Variants in NR2F2 observed in about 807,000 individuals in gnomAD.
NR2F2 encodes COUP transcription factor 2.
In NR2F2, 2 loss-of-function variants were observed where a neutral mutation model predicts 34.8. That is an observed-to-expected ratio of 0.06 (90% confidence interval 0.02 to 0.18). The LOEUF (loss-of-function observed/expected upper bound fraction) is 0.18, where lower values mean the gene tolerates loss of function less well. Among genes scored for constraint, NR2F2 ranks in the 10% least tolerant of loss-of-function variants. The pLI is 1.00. For synonymous variants in NR2F2, 274 were observed against 251.8 expected (o/e 1.09, Z -0.84); for missense variants, 300 against 580.1 (o/e 0.52, Z 4.96).
At chr15:96,332,568 C>T in intron 1 of NR2F2, 21 bp downstream of exon 1, 4 of 1,601,242 alleles carry the variant, frequency 2.5e-6, no homozygotes, top group Non-Finnish European at 3.4e-6. Context: ...CTCATTTCTC[C>T]TTCCCTCGTC....
chr15:96,334,024 T>C, intron 1 of NR2F2, 52 bp from the exon 2 acceptor site: 1 of 1,572,980 alleles, frequency 6.4e-7, no homozygotes, highest in Non-Finnish European at 8.6e-7. Flanking sequence ...CCGGGGAACC[T>C]GGGGACTGAG....
chr15:96,335,845 A>G (rs554036620), intron 2 of NR2F2, among the ~76,000 whole-genome samples: 2 of 152,308 alleles, frequency 1.3e-5, no homozygotes, highest in Non-Finnish European at 2.9e-5. Flanking sequence ...GCTGCTTTCC[A>G]CATAAAACCT....
At chr15:96,327,195 T>C (rs1467941213), upstream of NR2F2, 1 of 143,092 alleles carries the variant, frequency 7.0e-6, no homozygotes, top group African/African-American at 2.6e-5. Flanking sequence ...AAAAAAAAAA[T>C]CACCTCTTCG....
Position 96,337,538 on chromosome 15 carries a change from A to T in NR2F2, c.1161A>T (p.Val387=). The T allele has an allele frequency of 6.2e-7, 1 of 1,614,150 alleles. No individual in the cohort carries two copies. The highest frequency in any genetic ancestry group is 8.5e-7 in the Non-Finnish European group (1 of 1,180,042). The stretch of plus-strand genomic sequence containing the variant: ...AGCAATTGTTTTTCGTCCGTTTGGT[A>T]GGTAAAACCCCCATCGAAACCCTCA... The part of the protein sequence containing the change: ...VIEQLFFVRL[V]GKTPIETLIR... The change falls in exon 3 of 3, where the codon GTA becomes GTT. Residue 387 remains valine, a synonymous_variant. Coordinates refer to ENST00000394166, the MANE Select transcript of NR2F2 (RefSeq NM_021005.4).
rs1313883301 is a variant in NR2F2 at position 96,331,042 on chromosome 15, AGGC to A, written c.-1054_-1052del. Reference sequence around the variant, plus strand: ...AGTTGACTCTTTCCCTATGTGTGTGAGGCGGCGGCGGCAGCAGCAGCAGCAGCG... The same window carrying A: ...AGTTGACTCTTTCCCTATGTGTGTGAGGCGGCGGCAGCAGCAGCAGCAGCG... On this transcript the variant is annotated 5_prime_UTR_variant, in exon 1 of 3. Coordinates refer to ENST00000394166, the MANE Select transcript of NR2F2 (RefSeq NM_021005.4). The A allele has an allele frequency of 1.0e-5, 13 of 1,238,278 alleles. No homozygotes were observed. The Admixed American group carries it at 1.7e-4, about 16-fold the overall frequency. 76.7% of individuals were successfully genotyped at this position (1,238,278 alleles called of 1,614,324 possible). A position where few individuals can be genotyped will look rare whatever the true frequency, so the allele number is the denominator to read the frequency against.
rs1031110504 is a variant in NR2F2, at chr15:96,331,752, C to T, written c.-354C>T. On this transcript the variant is annotated 5_prime_UTR_variant, in exon 1 of 3. Coordinates refer to ENST00000394166, the MANE Select transcript of NR2F2 (RefSeq NM_021005.4). ...AGACAATCGACTTCAGCTCTCCCTC[C>T]CCTCCCTCTTTCTCCACGTTCTGCT... 3.7e-6 allele frequency: 4 copies of T among 1,094,712 alleles called. No homozygotes were observed. Among genetic ancestry groups the T allele is most frequent in the South Asian group, 4.8e-5 (1 of 20,996 alleles). The allele number at this position is 1,094,712 out of a possible 1,614,324, so 67.8% of individuals were successfully genotyped here.
At position 96,330,822 on chromosome 15, in the gene NR2F2, G is replaced by A. The variant is rs1219551644; in HGVS notation, c.-1284G>A. ...CTCTCCGCGGTGTGTGTGTGCGTGC[G>A]CGCGTGTGTGTTTTCTTCTTCTCCT... On this transcript the variant is annotated 5_prime_UTR_variant, in exon 1 of 3. Transcript: ENST00000394166. The A allele has an allele frequency of 2.3e-5, 26 of 1,126,418 alleles. No individual in the cohort carries two copies. The highest frequency in any genetic ancestry group is 2.7e-5 in the Non-Finnish European group (25 of 914,886). The allele number at this position is 1,126,418 out of a possible 1,614,324, so 69.8% of individuals were successfully genotyped here.
Position 96,330,946 on chromosome 15 carries a change from C to T in NR2F2, c.-1160C>T. The T allele has an allele frequency of 1.7e-6, 2 of 1,147,914 alleles. No homozygotes were observed. The highest frequency in any genetic ancestry group is 2.1e-6 in the Non-Finnish European group (2 of 932,558). The allele number at this position is 1,147,914 out of a possible 1,614,324, so 71.1% of individuals were successfully genotyped here. ...CGTCTTTTTCTCCCCCCTCTGCGCA[C>T]GAAGGATGTGCTTCTAGGTGGTGAT... is the stretch of plus-strand genomic sequence containing the variant. On this transcript the variant is annotated 5_prime_UTR_variant, in exon 1 of 3. The change creates a new upstream start codon in the 5' untranslated region. Coordinates refer to ENST00000394166, the MANE Select transcript of NR2F2 (RefSeq NM_021005.4).
Position 96,331,579 on chromosome 15 carries a change from C to CCTT in NR2F2, c.-525_-524insTCT. ...TCCTTCACCACCACCTCCTCTTCCT[C>CCTT]CTCCTCCTCCTCCTCCTCCTCCGCC... On this transcript the variant is annotated 5_prime_UTR_variant, in exon 1 of 3. Transcript: ENST00000394166. 1 of 1,178,752 alleles carries CCTT rather than the reference C, an allele frequency of 8.5e-7. No individual in the cohort carries two copies. Among genetic ancestry groups the CCTT allele is most frequent in the Non-Finnish European group, 1.0e-6 (1 of 967,692 alleles). 73.0% of individuals were successfully genotyped at this position (1,178,752 alleles called of 1,614,324 possible).
chr15:96,333,537 C>T (rs1837818621), intron 1 of NR2F2: 2 of 1,009,102 alleles, frequency 2.0e-6, no homozygotes, highest in Admixed American at 5.2e-5. Context: ...GACGCCAGAC[C>T]TCCGCTCTCT....
At chr15:96,333,511 GC>G (rs1899220171) in intron 1 of NR2F2, 1 of 1,002,034 alleles carries the variant, frequency 1.0e-6, no homozygotes, top group African/African-American at 1.7e-5. Flanking sequence ...CTTTCTCCGA[GC>G]ACACTGATTA....
chr15:96,331,188 G>A lies in NR2F2; in HGVS notation c.-918G>A, dbSNP rs1335037103. On this transcript the variant is annotated 5_prime_UTR_variant, in exon 1 of 3. Transcript: ENST00000394166. ...GCGGCTCCGGCGGCAGCGGCGGCCC[G>A]GGCGGCCCGCAGGGAACGGCGAGCG... 2 of 973,426 alleles carry A rather than the reference G, an allele frequency of 2.1e-6. No individual in the cohort carries two copies. The highest frequency in any genetic ancestry group is 4.6e-5 in the South Asian group (1 of 21,886). 60.3% of individuals were successfully genotyped at this position (973,426 alleles called of 1,614,324 possible). A position where few individuals can be genotyped will look rare whatever the true frequency, so the allele number is the denominator to read the frequency against.
rs1344273111 is a variant in NR2F2 at position 96,333,802 on chromosome 15, A to T, written c.443-274A>T. The T allele has an allele frequency of 5.0e-6, 7 of 1,387,772 alleles. No homozygotes were observed. In the African/African-American group the frequency reaches 1.0e-4, roughly 20 times the overall value. The allele number at this position is 1,387,772 out of a possible 1,614,324, so 86.0% of individuals were successfully genotyped here. On this transcript the variant is annotated intron_variant, in intron 1 of 2. Transcript: ENST00000394166. ...CCCGCCCACAGCGCCGGGGACCCCG[A>T]GGCAAGGTGGCCAATTCTGGGTCCT...
chr15:96,337,745 G>C lies in NR2F2; in HGVS notation c.*123G>C. ...ATGTTACAAGTTTGCTAAAAGAAGAGAGGGGAAGAATTTAATGGACTGTGA... is the reference window on the plus strand; with the variant it reads ...ATGTTACAAGTTTGCTAAAAGAAGACAGGGGAAGAATTTAATGGACTGTGA... On this transcript the variant is annotated 3_prime_UTR_variant, in exon 3 of 3. Coordinates refer to ENST00000394166, the MANE Select transcript of NR2F2 (RefSeq NM_021005.4). The C allele has an allele frequency of 2.7e-6, 2 of 748,676 alleles. No homozygotes were observed. Among genetic ancestry groups the C allele is most frequent in the East Asian group, 3.6e-5 (1 of 28,012 alleles). The allele number at this position is 748,676 out of a possible 1,614,324, so 46.4% of individuals were successfully genotyped here.
At position 96,331,612 on chromosome 15, in the gene NR2F2, C is replaced by G. The variant is rs936570763; in HGVS notation, c.-494C>G. The G allele has an allele frequency of 2.5e-5, 30 of 1,200,520 alleles. No individual in the cohort carries two copies. Among genetic ancestry groups the G allele is most frequent in the Non-Finnish European group, 3.1e-5 (30 of 962,050 alleles). The allele number at this position is 1,200,520 out of a possible 1,614,324, so 74.4% of individuals were successfully genotyped here. On this transcript the variant is annotated 5_prime_UTR_variant, in exon 1 of 3. Transcript: ENST00000394166. The stretch of plus-strand genomic sequence containing the variant: ...TCCTCCTCCTCCTCCGCCAACTCCT[C>G]GGCTGCACACCAGCTCTAAGAGCGA...
At position 96,339,713 on chromosome 15, in the gene NR2F2, T is replaced by C. The variant is rs3743461; in HGVS notation, c.*2091T>C. Reference sequence around the variant, plus strand: ...GAAGTAGTAACTATTTCTTTTGGAGTCTTTTTTTCATTTTTCCTCTTTCTC... The same window carrying C: ...GAAGTAGTAACTATTTCTTTTGGAGCCTTTTTTTCATTTTTCCTCTTTCTC... On this transcript the variant is annotated 3_prime_UTR_variant, in exon 3 of 3. Coordinates refer to ENST00000394166, the MANE Select transcript of NR2F2 (RefSeq NM_021005.4). The C allele has an allele frequency of 2.2e-4, 34 of 152,202 alleles. 1 individual carries two copies. In the East Asian group the frequency reaches 6.6e-3, roughly 29 times the overall value. The allele number at this position is 152,202 out of a possible 1,614,324, so 9.4% of individuals were successfully genotyped here.
upstream of NR2F2, among the ~76,000 whole-genome samples, chr15:96,328,142 C>T (rs926867729): frequency 6.6e-6 from 1 of 151,734 alleles, no homozygotes; most frequent in Non-Finnish European, 1.5e-5. Context: ...TTTTTTTTCT[C>T]CCTTGTAACA....
chr15:96,333,352 G>A, intron 1 of NR2F2: 1 of 1,001,996 alleles, frequency 1.0e-6, no homozygotes, highest in Middle Eastern at 4.7e-4. Context: ...TCCGGAGTCA[G>A]ATAACAGCCT....
At chr15:96,326,463 CGT>C, upstream of NR2F2, 1 of 912,068 alleles carries the variant, frequency 1.1e-6, no homozygotes. This position sits in a 1 kb window ranked among gnomAD's most constrained non-coding sequence, Gnocchi z 5.5. Flanking sequence ...GGTTTGCTAA[CGT>C]GTATGAAATG....
Sources: allele counts gnomAD v4.1 joint callset (sites outside exome capture counted in the v4.1 genomes callset), GRCh38; gene constraint gnomAD v4.1.1; non-coding constraint Gnocchi (gnomAD v3.1); transcripts MANE v1.5; gene names NCBI Gene and HGNC (gene_info 2026-07-23, HGNC 2026-07-21).